Variants in RNF14 observed in about 807,000 individuals in gnomAD.
RNF14 encodes the protein E3 ubiquitin-protein ligase RNF14.
In RNF14, 26 loss-of-function variants were observed where a neutral mutation model predicts 52.6. The observed-to-expected ratio is 0.49, with a 90% CI of 0.36 to 0.69. The LOEUF (loss-of-function observed/expected upper bound fraction) is 0.69, where lower values mean the gene tolerates loss of function less well. Ranked by LOEUF, RNF14 falls within the 30% of genes least tolerant of loss-of-function variation. The pLI, the probability that RNF14 is intolerant of heterozygous loss-of-function variation, is 0.00. For synonymous variants in RNF14, 194 were observed against 202.0 expected (o/e 0.96, Z 0.34); for missense variants, 404 against 560.4 (o/e 0.72, Z 2.82).
intron 2 of RNF14, among the ~76,000 whole-genome samples, chr5:141,972,184 AATTT>A (rs1753839199): frequency 1.3e-5 from 2 of 151,884 alleles, no homozygotes; most frequent in South Asian, 4.1e-4. Context: ...ACCTGGGAGC[AATTT>A]TGCCTCCAAC....
At position 141,978,597 on chromosome 5, in the gene RNF14, A is replaced by C. The variant is rs1754469972; in HGVS notation, c.601A>C (p.Ile201Leu). 6.2e-7 allele frequency: 1 copy of C among 1,614,060 alleles called. No homozygotes were observed. ...ATCACTGTCAAATCTGATCCAGGAA[A>C]TCTTGGACTTTGATCAAGCTCAGCA... ...VESLSNLIQE[I>L]LDFDQAQQIK... Residue 201 changes from isoleucine to leucine, a missense_variant, in exon 5 of 9, where the codon ATC becomes CTC. Physicochemically the swap from Ile to Leu is conservative, Grantham distance 5. Coordinates refer to ENST00000394520, the MANE Select transcript of RNF14 (RefSeq NM_004290.5).
chr5:141,986,343 T>C lies in RNF14; in HGVS notation c.1368-1390T>C, dbSNP rs80310022. ...ACTATTGGAAATCTAGTGTTGGAAA[T>C]TGCATAAGTTGTAGATAACATAAGG... On this transcript the variant is annotated intron_variant, in intron 8 of 8. Transcript: ENST00000394520. 3.4e-3 allele frequency among the ~76,000 whole-genome samples: 520 copies of C among 152,260 alleles called. 2 individuals are homozygous for C. The highest frequency in any genetic ancestry group is 0.012 in the African/African-American group (482 of 41,550).
intron 7 of RNF14, among the ~76,000 whole-genome samples, chr5:141,984,318 G>A (rs1053555747): frequency 1.5e-4 from 22 of 151,614 alleles, no homozygotes; most frequent in Non-Finnish European, 2.9e-4. Flanking sequence ...GGCTGGTCTC[G>A]AACTCCTGAC....
chr5:141,987,643 A>C (rs1373755216), intron 8 of RNF14, 90 bp from the exon 9 acceptor site: 3 of 1,241,592 alleles, frequency 2.4e-6, no homozygotes, highest in Non-Finnish European at 3.6e-6. Context: ...CAAAGATGTT[A>C]TAAGAGTACA....
chr5:141,955,397 T>G (rs1596646445), upstream of RNF14: 1 of 1,613,912 alleles, frequency 6.2e-7, no homozygotes, highest in East Asian at 2.2e-5. The surrounding 1 kb of genome is among the most constrained non-coding windows in gnomAD (Gnocchi z 5.5). Flanking sequence ...AGGGTCGGGG[T>G]GAGGTGGAAG....
chr5:141,969,669 C>G (rs943422581), intron 1 of RNF14: 55 of 152,374 alleles, frequency 3.6e-4, no homozygotes, highest in African/African-American at 1.2e-3. Flanking sequence ...TAGGGTAGGT[C>G]ATGAGGAACT....
At chr5:141,956,427 G>C, upstream of RNF14, 1 of 1,614,248 alleles carries the variant, frequency 6.2e-7, no homozygotes, top group African/African-American at 1.3e-5. Flanking sequence ...GGTGAAGAGA[G>C]GGTAAGTTGT....
Position 141,978,505 on chromosome 5 carries a change from G to A in RNF14, c.509G>A (p.Gly170Glu). The change falls in exon 5 of 9, where the codon GGA becomes GAA. Residue 170 changes from glycine to glutamate, a missense_variant. By Grantham distance (98) the Gly-to-Glu change is moderately conservative (BLOSUM62 -2). Transcript: ENST00000394520. ...TCTCCCAACACAGAGCTAGATTTTG[G>A]AGGAGCTGCTGGATCTGATGTAGAC... ...QASPNTELDF[G>E]GAAGSDVDQE... 1 of 1,614,188 alleles carries A rather than the reference G, an allele frequency of 6.2e-7. No homozygotes were observed. Among genetic ancestry groups the A allele is most frequent in the East Asian group, 2.2e-5 (1 of 44,890 alleles).
rs1161733053 is a variant in RNF14 at position 141,987,963 on chromosome 5, T to C, written c.*173T>C. ...GGTACTACTGAAGAAGGTGCATTGA[T>C]ACATTTTTAAATGTAAGTTGAGAAA... On this transcript the variant is annotated 3_prime_UTR_variant, in exon 9 of 9. Coordinates refer to ENST00000394520, the MANE Select transcript of RNF14 (RefSeq NM_004290.5). The C allele has an allele frequency of 8.5e-6, 5 of 585,940 alleles. No individual in the cohort carries two copies. The highest frequency in any genetic ancestry group is 2.6e-5 in the South Asian group (1 of 37,832). 36.3% of individuals were successfully genotyped at this position (585,940 alleles called of 1,614,324 possible). A position where few individuals can be genotyped will look rare whatever the true frequency, so the allele number is the denominator to read the frequency against.
At chr5:141,986,214 A>G (rs1755223657) in intron 8 of RNF14, among the ~76,000 whole-genome samples, 1 of 152,220 alleles carries the variant, frequency 6.6e-6, no homozygotes, top group African/African-American at 2.4e-5. Context: ...AGAGCTCTCC[A>G]CTTTCAGCAT....
rs374887888 is a variant in RNF14, at chr5:141,980,116, C to G, written c.835-7C>G. The G allele has an allele frequency of 3.1e-6, 5 of 1,611,374 alleles. No individual in the cohort carries two copies. Among genetic ancestry groups the G allele is most frequent in the Non-Finnish European group, 4.2e-6 (5 of 1,177,696 alleles). On this transcript the variant is annotated splice_region_variant and splice_polypyrimidine_tract_variant and intron_variant, in intron 5 of 8. Coordinates refer to ENST00000394520, the MANE Select transcript of RNF14 (RefSeq NM_004290.5). The stretch of plus-strand genomic sequence containing the variant: ...TCAAACCTATGGTGTTTTGTATTTC[C>G]CTCCAGGTCAAAGAGTTAGTGGAAG...
chr5:141,980,719 A>G (rs1322142770), intron 6 of RNF14, among the ~76,000 whole-genome samples: 1 of 152,208 alleles, frequency 6.6e-6, no homozygotes, highest in East Asian at 1.9e-4. Flanking sequence ...TGGTTTAAGT[A>G]AGGACTTGAA....
At chr5:141,979,517 G>A (rs1754576069) in intron 5 of RNF14, among the ~76,000 whole-genome samples, 1 of 152,176 alleles carries the variant, frequency 6.6e-6, no homozygotes, top group Admixed American at 6.5e-5. Flanking sequence ...CTCCCAAAGT[G>A]TTGGGATTAC....
At chr5:141,982,831 A>G (rs565454924) in intron 6 of RNF14, 3 of 152,710 alleles carry the variant, frequency 2.0e-5, no homozygotes, top group African/African-American at 7.2e-5. Flanking sequence ...ATTATCAAAC[A>G]GTGAATGGTG....
chr5:141,978,226 G>A, intron 4 of RNF14, 77 bp from the exon 5 acceptor site: 1 of 1,348,290 alleles, frequency 7.4e-7, no homozygotes, highest in Non-Finnish European at 1.0e-6. Context: ...AAGTGGAAAA[G>A]ATTTCTAGGG....
At chr5:141,950,664 A>C in the RNF14 span, among the ~76,000 whole-genome samples, 2,246 of 152,242 alleles carry the variant, frequency 0.015, 67 homozygotes, top group African/African-American at 0.051. Context: ...CCTGCAGTAC[A>C]CTACCTCTCA....
In RNF14 at chr5:141,987,758, G is replaced by A. The variant is rs781066549; in HGVS notation, c.1393G>A (p.Asp465Asn). The change falls in exon 9 of 9, where the codon GAC becomes AAC. Residue 465 changes from aspartate to asparagine, a missense_variant. Transcript: ENST00000394520. ...GCTGTTTTATGCTGTGGATGTTGAC[G>A]ACGATATTTGGGAAGATGAGGTAGA... ...NRLFYAVDVD[D>N]DIWEDEVED is the part of the protein sequence containing the mutation. 3.7e-6 allele frequency: 6 copies of A among 1,613,890 alleles called. No homozygotes were observed. Among genetic ancestry groups the A allele is most frequent in the Admixed American group, 3.3e-5 (2 of 60,016 alleles).
intron 6 of RNF14, 142 bp downstream of exon 6, chr5:141,980,493 C>T (rs1327060403): frequency 5.8e-6 from 4 of 690,796 alleles, no homozygotes; most frequent in Admixed American, 4.9e-5. Flanking sequence ...TATCTCAGGC[C>T]TTGGGGCTGT....
chr5:141,949,510 G>C, the RNF14 span: 21 of 1,614,124 alleles, frequency 1.3e-5, no homozygotes, highest in South Asian at 2.3e-4. Flanking sequence ...GGATCCAAAG[G>C]CCCTTCCTCC....
Sources: allele counts gnomAD v4.1 joint callset (sites outside exome capture counted in the v4.1 genomes callset), GRCh38; gene constraint gnomAD v4.1.1; non-coding constraint Gnocchi (gnomAD v3.1); transcripts MANE v1.5; gene names NCBI Gene and HGNC (gene_info 2026-07-23, HGNC 2026-07-21).